Variants in SH3D19 observed in about 807,000 individuals in gnomAD.
SH3D19 encodes the protein SH3 domain containing 19.
SH3D19 carries 58 observed loss-of-function variants against 112.1 expected under a neutral mutation model. The observed-to-expected ratio is 0.52, with a 90% CI of 0.42 to 0.64. SH3D19 has a LOEUF of 0.64. SH3D19 is among the 30% of genes least tolerant of loss of function. The pLI is 0.00. For missense variants in SH3D19, 1,090 were observed against 1,263.4 expected (o/e 0.86, Z 2.08); for synonymous variants, 391 against 448.5 (o/e 0.87, Z 1.62).
chr4:151,196,266 A>C (rs1249399383), intron 2 of SH3D19, among the ~76,000 whole-genome samples: 2 of 152,198 alleles, frequency 1.3e-5, no homozygotes, highest in African/African-American at 2.4e-5. Flanking sequence ...TCTACAAAAA[A>C]TAAAAAAAAT....
At chr4:151,280,449 C>T (rs1774104310) in intron 1 of SH3D19, among the ~76,000 whole-genome samples, 1 of 152,212 alleles carries the variant, frequency 6.6e-6, no homozygotes. Flanking sequence ...ATTGCAGCCA[C>T]ATGAGAAACC....
At chr4:151,307,485 C>T (rs17690571) in intron 1 of SH3D19, among the ~76,000 whole-genome samples, 47,222 of 152,200 alleles carry the variant, frequency 0.31, 7,716 homozygotes, top group East Asian at 0.47. Context: ...CGCGTCTGGG[C>T]GCCAACCCTT....
At chr4:151,228,138 C>T in intron 1 of SH3D19, 1 of 701,602 alleles carries the variant, frequency 1.4e-6, no homozygotes, top group Non-Finnish European at 1.8e-6. Flanking sequence ...TCTATTGAAC[C>T]AGTAATTAAA....
At chr4:151,128,843 C>T (rs1749991985) in intron 17 of SH3D19, among the ~76,000 whole-genome samples, 1 of 152,086 alleles carries the variant, frequency 6.6e-6, no homozygotes, top group Non-Finnish European at 1.5e-5. Context: ...TGAAGTCTCA[C>T]TATGTTGCCC....
At chr4:151,289,205 C>A (rs1775099788) in intron 1 of SH3D19, among the ~76,000 whole-genome samples, 1 of 152,046 alleles carries the variant, frequency 6.6e-6, no homozygotes, top group Non-Finnish European at 1.5e-5. Context: ...GAACTTGGAC[C>A]CTGACCTCGC....
intron 1 of SH3D19, among the ~76,000 whole-genome samples, chr4:151,321,824 A>G (rs985405704): frequency 1.3e-5 from 2 of 152,226 alleles, no homozygotes; most frequent in Non-Finnish European, 2.9e-5. Context: ...CAAGGCCTTC[A>G]GGCAATTCAG....
chr4:151,248,060 C>A (rs1771073479), intron 1 of SH3D19, among the ~76,000 whole-genome samples: 1 of 152,076 alleles, frequency 6.6e-6, no homozygotes, highest in African/African-American at 2.4e-5. Flanking sequence ...TGCTGTTATT[C>A]TTTACTTCAT....
chr4:151,210,576 T>A (rs547150692), intron 2 of SH3D19, among the ~76,000 whole-genome samples: 1 of 152,038 alleles, frequency 6.6e-6, no homozygotes, highest in Non-Finnish European at 1.5e-5. Flanking sequence ...TAATTTTTTG[T>A]ATTTTTTAGT....
At chr4:151,231,712 T>C (rs1300304998) in intron 1 of SH3D19, among the ~76,000 whole-genome samples, 1 of 152,220 alleles carries the variant, frequency 6.6e-6, no homozygotes, top group Admixed American at 6.5e-5. Context: ...GAAGTTTACA[T>C]GGCTGCTGCT....
chr4:151,175,737 G>A, intron 6 of SH3D19, 63 bp from the exon 7 acceptor site: 1 of 1,226,490 alleles, frequency 8.2e-7, no homozygotes, highest in African/African-American at 1.6e-5. Flanking sequence ...CAATGTATAA[G>A]GAAAAAAATA....
intron 1 of SH3D19, chr4:151,282,170 A>C (rs1370665959): frequency 6.2e-7 from 1 of 1,613,712 alleles, no homozygotes; most frequent in Non-Finnish European, 8.5e-7. Context: ...TTTTTCATAT[A>C]CTGTGTGGCT....
intron 2 of SH3D19, among the ~76,000 whole-genome samples, chr4:151,206,799 T>C (rs1765177957): frequency 6.6e-6 from 1 of 152,152 alleles, no homozygotes; most frequent in South Asian, 2.1e-4. Flanking sequence ...CTTTGGGCAG[T>C]GCTGGGAAAC....
chr4:151,271,377 T>C (rs1773214389), intron 1 of SH3D19, among the ~76,000 whole-genome samples: 1 of 152,232 alleles, frequency 6.6e-6, no homozygotes, highest in South Asian at 2.1e-4. Context: ...TGCAAATCTA[T>C]TGTTTTCCCT....
intron 2 of SH3D19, among the ~76,000 whole-genome samples, chr4:151,223,956 C>A (rs949705500): frequency 6.6e-6 from 1 of 152,164 alleles, no homozygotes; most frequent in African/African-American, 2.4e-5. Flanking sequence ...TATACAGTCA[C>A]TCCACTGCAT....
In SH3D19 at chr4:151,175,842, T is replaced by A. The variant is rs1759864641; in HGVS notation, c.530-168A>T. ...AGTGATTCAAAAATGGAAATGTTTA[T>A]TCTGTTTCCTGTAGGAGTGCTCTTC... On this transcript the variant is annotated intron_variant, in intron 6 of 19. Coordinates refer to ENST00000604030, the MANE Select transcript of SH3D19 (RefSeq NM_001378122.1). 3 of 606,632 alleles carry A rather than the reference T, an allele frequency of 4.9e-6. No homozygotes were observed. The African/African-American group carries it at 5.7e-5, about 12-fold the overall frequency. 37.6% of individuals were successfully genotyped at this position (606,632 alleles called of 1,614,324 possible).
chr4:151,276,923 C>T (rs1206234282), intron 1 of SH3D19, among the ~76,000 whole-genome samples: 1 of 152,092 alleles, frequency 6.6e-6, no homozygotes, highest in Non-Finnish European at 1.5e-5. Flanking sequence ...AGGCAGAAAC[C>T]CCAGAAACCC....
chr4:151,260,405 C>G (rs1449569591), intron 1 of SH3D19, among the ~76,000 whole-genome samples: 1 of 152,190 alleles, frequency 6.6e-6, no homozygotes, highest in Non-Finnish European at 1.5e-5. Flanking sequence ...TCTCTGCCTT[C>G]CCCATTTCAT....
intron 2 of SH3D19, among the ~76,000 whole-genome samples, chr4:151,205,630 TC>T (rs1764999987): frequency 6.6e-6 from 1 of 152,164 alleles, no homozygotes; most frequent in South Asian, 2.1e-4. Flanking sequence ...CTTAAAACAC[TC>T]CAAGATTCCA....
At position 151,133,158 on chromosome 4, in the gene SH3D19, A is replaced by G. The variant is rs1318788083; in HGVS notation, c.2565T>C (p.Ile855=). 9 of 1,614,024 alleles carry G rather than the reference A, an allele frequency of 5.6e-6. No individual in the cohort carries two copies. Among genetic ancestry groups the G allele is most frequent in the Non-Finnish European group, 6.8e-6 (8 of 1,180,008 alleles). The change falls in exon 16 of 20, where the codon ATT becomes ATC. Residue 855 remains isoleucine, a synonymous_variant. Transcript: ENST00000604030. ...CCTCATTCACATACTCTTTAAGAAT[A>G]ATAATTTCTCCCTCTGAGAAACTCA... ...DELSFSEGEI[I]ILKEYVNEEW... is the part of the protein sequence containing the mutation.
Sources: gnomAD v4.1 joint callset for allele counts (sites outside exome capture counted in the v4.1 genomes callset) on GRCh38, gnomAD v4.1.1 for gene constraint, MANE v1.5 for transcripts, NCBI Gene and HGNC (gene_info 2026-07-23, HGNC 2026-07-21) for gene names.